ASXL3: variants seen among roughly 807,000 people sequenced by gnomAD.
The protein encoded by ASXL3 is putative Polycomb group protein ASXL3.
In ASXL3, 34 loss-of-function variants were observed where a neutral mutation model predicts 170.6. The observed-to-expected ratio is 0.20, with a 90% CI of 0.15 to 0.27. The LOEUF is 0.27. Ranked by LOEUF, ASXL3 falls within the 10% of genes least tolerant of loss-of-function variation. ASXL3 has a pLI of 1.00. For synonymous variants in ASXL3, 1,002 were observed against 989.1 expected (o/e 1.01, Z -0.24); for missense variants, 2,592 against 2,695.3 (o/e 0.96, Z 0.85).
Position 33,739,955 on chromosome 18 carries a change from T to G in ASXL3, c.2551T>G (p.Ser851Ala). The change falls in exon 11 of 12, where the codon TCA becomes GCA. Residue 851 changes from serine to alanine, a missense_variant. Coordinates refer to ENST00000269197, the MANE Select transcript of ASXL3 (RefSeq NM_030632.3). Reference sequence around the variant, plus strand: ...TGACACTGAGAAGCCCTACCCTGCTTCAATTCCAGAACTTGCTTCTACTGA... The same window carrying G: ...TGACACTGAGAAGCCCTACCCTGCTGCAATTCCAGAACTTGCTTCTACTGA... ...HVDTEKPYPA[S>A]IPELASTEMI... The G allele has an allele frequency of 6.2e-7, 1 of 1,613,902 alleles. No individual in the cohort carries two copies. The highest frequency in any genetic ancestry group is 8.5e-7 in the Non-Finnish European group (1 of 1,179,864).
At chr18:33,621,906 A>G (rs1178105726) in intron 2 of ASXL3, among the ~76,000 whole-genome samples, 1 of 152,108 alleles carries the variant, frequency 6.6e-6, no homozygotes, top group Non-Finnish European at 1.5e-5. Context: ...CTTTATTTAC[A>G]TTATATTTTA....
At chr18:33,657,204 A>C (rs1006589180) in intron 4 of ASXL3, among the ~76,000 whole-genome samples, 17 of 152,128 alleles carry the variant, frequency 1.1e-4, no homozygotes, top group Non-Finnish European at 1.8e-4. Context: ...TGGACTGCCA[A>C]GATGAGTTTG....
intron 2 of ASXL3, among the ~76,000 whole-genome samples, chr18:33,619,236 G>C (rs75528806): frequency 0.02 from 2,991 of 152,130 alleles, 44 homozygotes; most frequent in Non-Finnish European, 0.026. Flanking sequence ...TTAAACATTT[G>C]TGGCCTAAGT....
At chr18:33,691,792 C>T (rs186164920) in intron 8 of ASXL3, among the ~76,000 whole-genome samples, 57 of 152,102 alleles carry the variant, frequency 3.7e-4, no homozygotes, top group Non-Finnish European at 7.4e-4. Flanking sequence ...GGGCCGGGTC[C>T]GGAAAGATAC....
intron 8 of ASXL3, among the ~76,000 whole-genome samples, chr18:33,721,038 A>C (rs1233087313): frequency 1.3e-5 from 2 of 152,096 alleles, no homozygotes; most frequent in African/African-American, 4.8e-5. Context: ...CATTGCATAC[A>C]TCCCTGAAAT....
chr18:33,644,805 TA>T, intron 2 of ASXL3, 88 bp from the exon 3 acceptor site: 1 of 743,006 alleles, frequency 1.3e-6, no homozygotes. Flanking sequence ...TTATTTTTTT[TA>T]AGAGAGAGCG....
chr18:33,739,445 T>G lies in ASXL3; in HGVS notation c.2041T>G (p.Ser681Ala). 1.2e-6 allele frequency: 2 copies of G among 1,613,972 alleles called. No individual in the cohort carries two copies. Among genetic ancestry groups the G allele is most frequent in the Non-Finnish European group, 1.7e-6 (2 of 1,179,878 alleles). The change falls in exon 11 of 12, where the codon TCT becomes GCT. Residue 681 changes from serine to alanine, a missense_variant. By Grantham distance (99) the Ser-to-Ala change is moderately conservative. Coordinates refer to ENST00000269197, the MANE Select transcript of ASXL3 (RefSeq NM_030632.3). ...TCATGCATCTTTGATGTCAGAAATA[T>G]CTCCAATATCCACTTCACCTGAAAT... is the stretch of plus-strand genomic sequence containing the variant. ...NFHASLMSEI[S>A]PISTSPEISE...
intron 1 of ASXL3, among the ~76,000 whole-genome samples, chr18:33,586,113 A>G (rs2065032171): frequency 6.6e-6 from 1 of 152,178 alleles, no homozygotes; most frequent in South Asian, 2.1e-4. Context: ...ATTTTAATAA[A>G]TTTCAGTAAA....
At chr18:33,663,295 A>T (rs1372037613) in intron 5 of ASXL3, among the ~76,000 whole-genome samples, 2 of 152,206 alleles carry the variant, frequency 1.3e-5, no homozygotes, top group African/African-American at 2.4e-5. Context: ...AAATGGGATC[A>T]TAAATGAAAC....
At position 33,750,989 on chromosome 18, in the gene ASXL3, C is replaced by T. The variant is rs1377806316; in HGVS notation, c.*4394C>T. On this transcript the variant is annotated 3_prime_UTR_variant, in exon 12 of 12. Transcript: ENST00000269197. ...TTTTGTTTAGAATTCAGGGATCATG[C>T]ATTCTTTAATGGTGCTGTTTGTTTT... 6.6e-6 allele frequency: 1 copy of T among 152,188 alleles called. No individual in the cohort carries two copies. The highest frequency in any genetic ancestry group is 1.5e-5 in the Non-Finnish European group (1 of 67,998). The allele number at this position is 152,188 out of a possible 1,614,324, so 9.4% of individuals were successfully genotyped here. A position where few individuals can be genotyped will look rare whatever the true frequency, so the allele number is the denominator to read the frequency against.
chr18:33,703,511 C>T (rs2066911896), intron 8 of ASXL3, among the ~76,000 whole-genome samples: 1 of 152,144 alleles, frequency 6.6e-6, no homozygotes, highest in Admixed American at 6.5e-5. Flanking sequence ...AGAAAGGAGC[C>T]CTTGACCTCT....
At position 33,625,059 on chromosome 18, in the gene ASXL3, A is replaced by G. The variant is rs113223351; in HGVS notation, c.137+17383A>G. On this transcript the variant is annotated intron_variant, in intron 2 of 11. Coordinates refer to ENST00000269197, the MANE Select transcript of ASXL3 (RefSeq NM_030632.3). ...ATCACTGCCACGTTAATACTCCTTT[A>G]TCATTTAAGATACAGATGGTTAGTG... 7.4e-3 allele frequency among the ~76,000 whole-genome samples: 1,120 copies of G among 152,238 alleles called. 16 individuals carry two copies. The highest frequency in any genetic ancestry group is 0.026 in the African/African-American group (1,071 of 41,550).
chr18:33,744,588 T>C lies in ASXL3; in HGVS notation c.4740T>C (p.Ala1580=), dbSNP rs748394132. 1.9e-6 allele frequency: 3 copies of C among 1,610,668 alleles called. No homozygotes were observed. The African/African-American group carries it at 4.0e-5, about 22-fold the overall frequency. The change falls in exon 12 of 12, where the codon GCT becomes GCC. Residue 1580 remains alanine, a synonymous_variant. Transcript: ENST00000269197. Reference sequence around the variant, plus strand: ...CGACTGCTCCCAGTCATAACTTTGCTGAGCAGGCACGTGGCCCAGCTCCTT... The same window carrying C: ...CGACTGCTCCCAGTCATAACTTTGCCGAGCAGGCACGTGGCCCAGCTCCTT... ...NEPTAPSHNF[A]EQARGPAPFK...
chr18:33,630,379 C>G (rs1232565366), intron 2 of ASXL3, among the ~76,000 whole-genome samples: 3 of 150,306 alleles, frequency 2.0e-5, no homozygotes, highest in Admixed American at 6.6e-5. Flanking sequence ...ACTACAGAAA[C>G]CTATGGCTTT....
At chr18:33,698,572 T>C (rs1478400659) in intron 8 of ASXL3, among the ~76,000 whole-genome samples, 1 of 151,938 alleles carries the variant, frequency 6.6e-6, no homozygotes, top group Non-Finnish European at 1.5e-5. Flanking sequence ...ATTAAAACCA[T>C]GAATATAAAC....
chr18:33,628,642 A>G (rs1315724351), intron 2 of ASXL3, among the ~76,000 whole-genome samples: 1 of 152,220 alleles, frequency 6.6e-6, no homozygotes, highest in Non-Finnish European at 1.5e-5. Flanking sequence ...ATGGAAGGCA[A>G]TCAGGTGGTT....
At chr18:33,633,571 C>T (rs1384377181) in intron 2 of ASXL3, among the ~76,000 whole-genome samples, 2 of 151,990 alleles carry the variant, frequency 1.3e-5, no homozygotes, top group African/African-American at 2.4e-5. Context: ...ACGCATGGCG[C>T]GGTGGCTCAT....
chr18:33,599,260 G>A (rs1216759558), intron 1 of ASXL3, among the ~76,000 whole-genome samples: 4 of 152,120 alleles, frequency 2.6e-5, no homozygotes, highest in Admixed American at 1.3e-4. Flanking sequence ...AGATGCATAT[G>A]TTAGAGCTAA....
chr18:33,726,623 CAT>C (rs772732307), intron 8 of ASXL3, among the ~76,000 whole-genome samples: 16 of 152,168 alleles, frequency 1.1e-4, no homozygotes, highest in African/African-American at 1.9e-4. Context: ...AAATTAATTA[CAT>C]GTTTCTTTTA....
Sources: allele counts gnomAD v4.1 joint callset (sites outside exome capture counted in the v4.1 genomes callset), GRCh38; gene constraint gnomAD v4.1.1; transcripts MANE v1.5; gene names NCBI Gene and HGNC (gene_info 2026-07-23, HGNC 2026-07-21).